NEB: variants seen among roughly 807,000 people sequenced by gnomAD.
NEB encodes nemaline myopathy type 2.
A neutral mutation model predicts 952.2 loss-of-function variants in NEB; 512 were observed. The observed-to-expected ratio is 0.54, with a 90% CI of 0.50 to 0.58. NEB has a LOEUF of 0.58. Among genes scored for constraint, NEB ranks in the 20% least tolerant of loss-of-function variants. The pLI is 0.00. For synonymous variants in NEB, 2,900 were observed against 3,149.8 expected (o/e 0.92, Z 2.66); for missense variants, 8,428 against 9,231.1 (o/e 0.91, Z 3.56).
At chr2:151,503,314 G>A in intron 166 of NEB, 35 bp downstream of exon 166, 2 of 1,467,550 alleles carry the variant, frequency 1.4e-6, no homozygotes, top group Non-Finnish European at 1.9e-6. Context: ...ATTTTTTATG[G>A]GAAATAGTTT....
intron 8 of NEB, 106 bp from the exon 9 acceptor site, chr2:151,723,592 TGA>T: frequency 1.3e-6 from 1 of 756,694 alleles, no homozygotes; most frequent in Non-Finnish European, 2.2e-6. Flanking sequence ...AAGGGCCAGG[TGA>T]GAGCAAAGGT....
At chr2:151,640,761 T>G in intron 60 of NEB, 95 bp from the exon 61 acceptor site, 1 of 1,226,060 alleles carries the variant, frequency 8.2e-7, no homozygotes, top group Non-Finnish European at 1.1e-6. Context: ...AAAAAAAATT[T>G]TCCCTGAATA....
At chr2:151,573,294 T>A (rs1352124767) in intron 107 of NEB, among the ~76,000 whole-genome samples, 2 of 152,222 alleles carry the variant, frequency 1.3e-5, no homozygotes, top group Admixed American at 6.5e-5. Context: ...ATTTTGAATA[T>A]TAGTCTTGTT....
At chr2:151,508,674 C>T (rs915601899) in intron 161 of NEB, among the ~76,000 whole-genome samples, 45 of 152,246 alleles carry the variant, frequency 3.0e-4, no homozygotes, top group African/African-American at 1.1e-3. Context: ...GCTCTTGATG[C>T]TGCAGAAAGC....
At chr2:151,693,273 T>C (rs1255773336) in intron 20 of NEB, among the ~76,000 whole-genome samples, 3 of 152,214 alleles carry the variant, frequency 2.0e-5, no homozygotes, top group Non-Finnish European at 4.4e-5. Context: ...TTTCCAACTT[T>C]TATTTTAAGT....
At chr2:151,534,488 A>G (rs1035916064) in intron 142 of NEB, among the ~76,000 whole-genome samples, 1 of 152,200 alleles carries the variant, frequency 6.6e-6, no homozygotes, top group Admixed American at 6.5e-5. Context: ...GTGGAGGAAG[A>G]TTACCTGAAG....
At chr2:151,672,269 A>G (rs1027198778) in intron 37 of NEB, 100 bp downstream of exon 37, 2 of 1,177,300 alleles carry the variant, frequency 1.7e-6, no homozygotes, top group Admixed American at 2.9e-5. Flanking sequence ...TCTAAAGTGC[A>G]TTTGTCAAAT....
At chr2:151,538,312 A>G in intron 138 of NEB, 68 bp from the exon 139 acceptor site, 1 of 1,176,166 alleles carries the variant, frequency 8.5e-7, no homozygotes, top group Non-Finnish European at 1.3e-6. Context: ...TCTTTTAAGC[A>G]TGAACTCTCT....
At position 151,717,634 on chromosome 2, in the gene NEB, T is replaced by C. The variant is rs965301189; in HGVS notation, c.718-114A>G. The C allele has an allele frequency of 2.3e-5, 18 of 768,846 alleles. No individual in the cohort carries two copies. The Admixed American group carries it at 4.1e-4, about 18-fold the overall frequency. 47.6% of individuals were successfully genotyped at this position (768,846 alleles called of 1,614,324 possible). A position where few individuals can be genotyped will look rare whatever the true frequency, so the allele number is the denominator to read the frequency against. ...AATTTGTCCTAGATGTTACATACCA[T>C]TGCTCTCAGTACTGCTAGTGATTTC... On this transcript the variant is annotated intron_variant, in intron 9 of 181. Coordinates refer to ENST00000397345, the MANE Select transcript of NEB (RefSeq NM_001164508.2).
intron 13 of NEB, among the ~76,000 whole-genome samples, chr2:151,705,063 T>G (rs2099699549): frequency 6.6e-6 from 1 of 152,196 alleles, no homozygotes; most frequent in African/African-American, 2.4e-5. Context: ...GTTTAATTTT[T>G]TTAAACAAAC....
chr2:151,732,280 C>T (rs2099810841), intron 3 of NEB, among the ~76,000 whole-genome samples: 1 of 152,028 alleles, frequency 6.6e-6, no homozygotes. Flanking sequence ...TAGTTCCAAG[C>T]CTTTAGATTT....
intron 107 of NEB, among the ~76,000 whole-genome samples, chr2:151,572,686 C>T (rs1399410490): frequency 6.6e-6 from 1 of 150,420 alleles, no homozygotes; most frequent in African/African-American, 2.4e-5. Flanking sequence ...GCTGGGATTA[C>T]AGGTGAGCCA....
chr2:151,563,954 A>C, intron 117 of NEB, 24 bp from the exon 118 acceptor site: 1 of 1,534,296 alleles, frequency 6.5e-7, no homozygotes, highest in Non-Finnish European at 8.9e-7. Flanking sequence ...ATACATGGCA[A>C]CAAAAGTTTT....
At chr2:151,520,962 C>A (rs914782013) in intron 153 of NEB, among the ~76,000 whole-genome samples, 2 of 152,166 alleles carry the variant, frequency 1.3e-5, no homozygotes, top group Non-Finnish European at 2.9e-5. Context: ...CTTTTGTCAA[C>A]AGTATTGCAG....
Position 151,671,137 on chromosome 2 carries a change from G to T in NEB, c.4392C>A (p.Gly1464=), listed in dbSNP as rs771527086. ...GATACTTCCTCTCATTTAATGCATC[G>T]CCTGCTTTCTTGACCTTCTCCACCT... ...SLEVEKVKKA[G]DALNERKYRQ... The change falls in exon 38 of 182, where the codon GGC becomes GGA. Residue 1464 remains glycine, a synonymous_variant. Coordinates refer to ENST00000397345, the MANE Select transcript of NEB (RefSeq NM_001164508.2). 6.2e-7 allele frequency: 1 copy of T among 1,613,852 alleles called. No homozygotes were observed. The highest frequency in any genetic ancestry group is 1.3e-5 in the African/African-American group (1 of 75,028).
intron 63 of NEB, 69 bp downstream of exon 63, chr2:151,639,211 T>C: frequency 8.4e-7 from 1 of 1,196,900 alleles, no homozygotes; most frequent in Non-Finnish European, 1.2e-6. Flanking sequence ...TCATTTGGTA[T>C]CATGTCATCA....
intron 76 of NEB, 73 bp from the exon 77 acceptor site, chr2:151,614,660 A>C: frequency 6.8e-7 from 1 of 1,461,108 alleles, no homozygotes. Flanking sequence ...TCACATTCAC[A>C]TTGTTTCTTT....
chr2:151,640,282 A>G (rs2098830724), intron 61 of NEB, 73 bp downstream of exon 61: 10 of 1,573,636 alleles, frequency 6.4e-6, no homozygotes, highest in Non-Finnish European at 8.6e-6. Context: ...CTTGTGCCAT[A>G]TATTGCCATT....
In NEB at chr2:151,709,723, A is replaced by G; in HGVS notation, c.968T>C (p.Ile323Thr). The change falls in exon 12 of 182, where the codon ATC becomes ACC. Residue 323 changes from isoleucine (I) to threonine (T), a missense_variant. By Grantham distance (89) the Ile-to-Thr change is moderately conservative. Coordinates refer to ENST00000397345, the MANE Select transcript of NEB (RefSeq NM_001164508.2). ...QEDFENMKDQ[I>T]YFMQTETPEY... Reference sequence around the variant, plus strand: ...TGGTGTTTCGGTCTGCATGAAGTAGATCTGGTCTTTCATGTTTTCAAAATC... The same window carrying G: ...TGGTGTTTCGGTCTGCATGAAGTAGGTCTGGTCTTTCATGTTTTCAAAATC... The G allele has an allele frequency of 6.2e-7, 1 of 1,606,138 alleles. No individual in the cohort carries two copies. The highest frequency in any genetic ancestry group is 1.7e-4 in the Middle Eastern group (1 of 6,058).
Sources: gnomAD v4.1 joint callset for allele counts (sites outside exome capture counted in the v4.1 genomes callset) on GRCh38, gnomAD v4.1.1 for gene constraint, MANE v1.5 for transcripts, NCBI Gene and HGNC (gene_info 2026-07-23, HGNC 2026-07-21) for gene names.